The following CFAP61 variants were observed in gnomAD, a reference collection of about 807,000 sequenced individuals.
CFAP61 encodes the protein cilia- and flagella-associated protein 61.
CFAP61 carries 107 observed loss-of-function variants against 135.6 expected under a neutral mutation model. That is an observed-to-expected ratio of 0.79 (90% confidence interval 0.67 to 0.93). The LOEUF is 0.93. Among genes scored for constraint, CFAP61 ranks in the 40% least tolerant of loss-of-function variants. CFAP61 has a pLI of 0.00. For missense variants in CFAP61, 1,507 were observed against 1,556.2 expected, an observed-to-expected ratio of 0.97 and a Z score of 0.53; for synonymous variants, 575 against 578.5, an observed-to-expected ratio of 0.99 and a Z score of 0.09.
At chr20:20,052,880 AC>A in intron 1 of CFAP61, 1 of 680,508 alleles carries the variant, frequency 1.5e-6, no homozygotes, top group Non-Finnish European at 2.5e-6. Context: ...CTCTGGGTCC[AC>A]GCCCCCTCGT....
At chr20:20,211,289 CT>C (rs1168885138) in intron 17 of CFAP61, among the ~76,000 whole-genome samples, 1 of 152,196 alleles carries the variant, frequency 6.6e-6, no homozygotes, top group Non-Finnish European at 1.5e-5. Context: ...CAGGGACTGC[CT>C]TTCACCTCTG....
chr20:20,145,652 A>G (rs2051819660), intron 9 of CFAP61, among the ~76,000 whole-genome samples: 1 of 152,246 alleles, frequency 6.6e-6, no homozygotes, highest in South Asian at 2.1e-4. Context: ...TTTAAATATA[A>G]AGATACAATA....
chr20:20,153,782 C>T (rs565086516), intron 9 of CFAP61, among the ~76,000 whole-genome samples: 37 of 152,146 alleles, frequency 2.4e-4, no homozygotes, highest in African/African-American at 8.7e-4. Flanking sequence ...ATCAGGCATT[C>T]AAAGAAGAAT....
At chr20:20,319,428 A>C (rs1601986392) in intron 25 of CFAP61, among the ~76,000 whole-genome samples, 1 of 152,322 alleles carries the variant, frequency 6.6e-6, no homozygotes, top group East Asian at 1.9e-4. Context: ...TTGTTGGAAG[A>C]GGGGCCTGGT....
At chr20:20,295,541 C>T (rs917002267) in intron 24 of CFAP61, among the ~76,000 whole-genome samples, 1 of 152,134 alleles carries the variant, frequency 6.6e-6, no homozygotes, top group Admixed American at 6.6e-5. Context: ...GGACATGTAC[C>T]CCTGGGTTCA....
chr20:20,113,907 T>G (rs2048961023), intron 8 of CFAP61, among the ~76,000 whole-genome samples: 2 of 151,756 alleles, frequency 1.3e-5, no homozygotes, highest in African/African-American at 4.8e-5. Flanking sequence ...CCACCTTGTT[T>G]TTTAAGATTA....
chr20:20,230,365 A>G (rs2049036890), intron 18 of CFAP61, among the ~76,000 whole-genome samples: 1 of 152,196 alleles, frequency 6.6e-6, no homozygotes, highest in African/African-American at 2.4e-5. Flanking sequence ...TAAGTCAGCA[A>G]TCACCATGGT....
intron 17 of CFAP61, among the ~76,000 whole-genome samples, chr20:20,202,613 A>G (rs556166383): frequency 6.6e-6 from 1 of 152,310 alleles, no homozygotes; most frequent in Admixed American, 6.5e-5. Flanking sequence ...CAAGTAGAAT[A>G]TTTTTAGGAG....
intron 13 of CFAP61, among the ~76,000 whole-genome samples, chr20:20,187,459 G>A (rs2055591538): frequency 6.6e-6 from 1 of 152,154 alleles, no homozygotes; most frequent in Admixed American, 6.5e-5. Flanking sequence ...TGAAGTCAAA[G>A]ATAAAATTAT....
chr20:20,224,942 T>C (rs1183173164), intron 17 of CFAP61, among the ~76,000 whole-genome samples: 1 of 152,310 alleles, frequency 6.6e-6, no homozygotes, highest in East Asian at 1.9e-4. Context: ...TTACTTTCTA[T>C]GAAGGAAATA....
intron 26 of CFAP61, among the ~76,000 whole-genome samples, chr20:20,354,933 G>A (rs1468119389): frequency 6.7e-6 from 1 of 149,782 alleles, no homozygotes; most frequent in African/African-American, 2.5e-5. Context: ...CACACTGTGA[G>A]AGGGGAGGTG....
At chr20:20,316,416 T>G (rs570505342) in intron 25 of CFAP61, among the ~76,000 whole-genome samples, 46 of 152,016 alleles carry the variant, frequency 3.0e-4, no homozygotes, top group African/African-American at 1.1e-3. Flanking sequence ...CTGAAGTTGC[T>G]TATCAGCTTA....
At chr20:20,163,922 A>T in intron 10 of CFAP61, 128 bp from the exon 11 acceptor site, 1 of 624,432 alleles carries the variant, frequency 1.6e-6, no homozygotes, top group East Asian at 2.9e-5. Context: ...GCCCAGGATG[A>T]GTTGTTTCGG....
chr20:20,118,611 G>C (rs963342352), intron 8 of CFAP61, among the ~76,000 whole-genome samples: 1 of 151,986 alleles, frequency 6.6e-6, no homozygotes, highest in Admixed American at 6.6e-5. Flanking sequence ...AAAGTGCTGG[G>C]ATTACAGGTG....
chr20:20,230,406 A>T (rs2049042513), intron 18 of CFAP61, among the ~76,000 whole-genome samples: 1 of 152,232 alleles, frequency 6.6e-6, no homozygotes, highest in Non-Finnish European at 1.5e-5. Context: ...TTCCCAGTTT[A>T]ACTGCCATTT....
intron 9 of CFAP61, among the ~76,000 whole-genome samples, chr20:20,149,140 A>G (rs1361449203): frequency 6.6e-6 from 1 of 152,242 alleles, no homozygotes; most frequent in Non-Finnish European, 1.5e-5. Flanking sequence ...CTTTTCAAGT[A>G]TACATAGAAC....
intron 17 of CFAP61, among the ~76,000 whole-genome samples, chr20:20,208,042 G>A (rs1322095091): frequency 6.6e-6 from 1 of 152,162 alleles, no homozygotes; most frequent in East Asian, 1.9e-4. Flanking sequence ...CTTTCCTCCT[G>A]CCCGGCCCTG....
intron 21 of CFAP61, among the ~76,000 whole-genome samples, chr20:20,266,674 T>C (rs2052769824): frequency 6.6e-6 from 1 of 152,186 alleles, no homozygotes; most frequent in African/African-American, 2.4e-5. Flanking sequence ...AGTAATAACA[T>C]GCTGGCTACA....
intron 26 of CFAP61, 55 bp downstream of exon 26, chr20:20,341,976 T>G: frequency 6.0e-5 from 70 of 1,169,214 alleles, no homozygotes; most frequent in Non-Finnish European, 8.9e-5. Context: ...AAGCAGCTGA[T>G]AGCTGTTGAT....
Sources: allele counts gnomAD v4.1 joint callset (sites outside exome capture counted in the v4.1 genomes callset), GRCh38; gene constraint gnomAD v4.1.1; transcripts MANE v1.5; gene names NCBI Gene and HGNC (gene_info 2026-07-23, HGNC 2026-07-21).